GRHL1: variants seen among roughly 807,000 people sequenced by gnomAD.
GRHL1 encodes grainyhead-like protein 1 homolog.
GRHL1 carries 38 observed loss-of-function variants against 75.7 expected under a neutral mutation model. The observed-to-expected ratio is 0.50, with a 90% CI of 0.39 to 0.66. The LOEUF (loss-of-function observed/expected upper bound fraction) is 0.66. Among genes scored for constraint, GRHL1 ranks in the 30% least tolerant of loss-of-function variants. The pLI is 0.00. For synonymous variants in GRHL1, 266 were observed against 279.4 expected (o/e 0.95, Z 0.48); for missense variants, 589 against 767.5 (o/e 0.77, Z 2.75).
At chr2:9,984,322 G>A (rs1221802066) in intron 8 of GRHL1, among the ~76,000 whole-genome samples, 8 of 151,488 alleles carry the variant, frequency 5.3e-5, no homozygotes, top group East Asian at 1.9e-4. Flanking sequence ...GTCAGCTCAC[G>A]GGGTTGAAGG....
rs1413679201 is a variant in GRHL1 at position 9,951,860 on chromosome 2, G to A, written c.20+7G>A. 2.0e-6 allele frequency: 3 copies of A among 1,477,070 alleles called. No homozygotes were observed. 91.5% of individuals were successfully genotyped at this position (1,477,070 alleles called of 1,614,324 possible). A position where few individuals can be genotyped will look rare whatever the true frequency, so the allele number is the denominator to read the frequency against. On this transcript the variant is annotated splice_region_variant and intron_variant, in intron 1 of 15. Coordinates refer to ENST00000324907, the MANE Select transcript of GRHL1 (RefSeq NM_198182.3). This position sits in a 1 kb window ranked among gnomAD's most constrained non-coding sequence, Gnocchi z 4.2. ...TGACACAGGAGTACGACAAGTGAGT[G>A]AGGCGCAGGAGTCCGGCCGCCGCGG...
chr2:9,958,216 C>T (rs377033825), intron 2 of GRHL1, among the ~76,000 whole-genome samples: 137 of 142,086 alleles, frequency 9.6e-4, no homozygotes, highest in African/African-American at 3.5e-3. Flanking sequence ...CTTGCTCTAT[C>T]GCCCAGGCCA....
chr2:9,991,091 A>G (rs1668622937), intron 10 of GRHL1, among the ~76,000 whole-genome samples: 2 of 152,194 alleles, frequency 1.3e-5, no homozygotes. Context: ...TAGATTTTTT[A>G]AAGTAATAAT....
intron 8 of GRHL1, among the ~76,000 whole-genome samples, chr2:9,985,530 G>A (rs1410951254): frequency 6.6e-6 from 1 of 152,230 alleles, no homozygotes; most frequent in Admixed American, 6.5e-5. Context: ...TGGGCCCAAT[G>A]TGATTTGATA....
intron 8 of GRHL1, among the ~76,000 whole-genome samples, chr2:9,981,417 C>T (rs950023364): frequency 6.6e-6 from 1 of 152,244 alleles, no homozygotes; most frequent in Non-Finnish European, 1.5e-5. Context: ...TTTACTCCAT[C>T]GTGATGATGT....
intron 5 of GRHL1, 77 bp from the exon 6 acceptor site, chr2:9,963,809 A>C: frequency 1.1e-6 from 1 of 943,222 alleles, no homozygotes; most frequent in African/African-American, 1.7e-5. Flanking sequence ...AAGATAGCAA[A>C]TGCTATTTAT....
At position 9,962,510 on chromosome 2, in the gene GRHL1, A is replaced by G. The variant is rs772009928; in HGVS notation, c.725A>G (p.Tyr242Cys). The change falls in exon 5 of 16, where the codon TAT becomes TGT. Residue 242 changes from tyrosine to cysteine, a missense_variant. Tyr to Cys is a radical substitution (Grantham distance 194). This residue lies in a region of GRHL1 where 362 missense variants were observed against 461.8 expected (regional missense o/e 0.78). Coordinates refer to ENST00000324907, the MANE Select transcript of GRHL1 (RefSeq NM_198182.3). ...LRMPGMNSEDYVFDSVSGNNF... is the reference protein window; with the variant it reads ...LRMPGMNSEDCVFDSVSGNNF... ...ATGCCTGGCATGAATTCAGAGGACT[A>G]TGTTTTTGACAGTGTTTCTGGGTAA... 3.0e-5 allele frequency: 47 copies of G among 1,591,394 alleles called. No individual in the cohort carries two copies. The highest frequency in any genetic ancestry group is 4.0e-5 in the Non-Finnish European group (46 of 1,159,382).
chr2:9,971,350 A>T (rs564798783), intron 8 of GRHL1, among the ~76,000 whole-genome samples: 6 of 152,330 alleles, frequency 3.9e-5, no homozygotes, highest in African/African-American at 1.4e-4. Context: ...GAAGTGAGTC[A>T]AACATCCTAC....
intron 8 of GRHL1, among the ~76,000 whole-genome samples, chr2:9,975,918 C>T (rs1039168524): frequency 1.3e-5 from 2 of 151,980 alleles, no homozygotes; most frequent in African/African-American, 4.8e-5. Context: ...ATAATAAACA[C>T]AAATAACTTG....
intron 8 of GRHL1, among the ~76,000 whole-genome samples, chr2:9,973,229 A>G (rs1326517224): frequency 6.6e-6 from 1 of 152,094 alleles, no homozygotes; most frequent in Non-Finnish European, 1.5e-5. Context: ...GTCTCCTCCC[A>G]CCATCAGAGC....
intron 2 of GRHL1, among the ~76,000 whole-genome samples, chr2:9,957,594 A>G (rs1330975189): frequency 6.6e-6 from 1 of 151,972 alleles, no homozygotes; most frequent in Non-Finnish European, 1.5e-5. Flanking sequence ...TGTTTTTAGT[A>G]GAGACGGGGT....
chr2:9,966,575 T>G (rs1667505765), intron 8 of GRHL1, among the ~76,000 whole-genome samples: 1 of 152,204 alleles, frequency 6.6e-6, no homozygotes, highest in South Asian at 2.1e-4. Context: ...TTTTTTACTT[T>G]TTCTTTTATT....
At chr2:9,999,101 C>T (rs1030981177) in intron 15 of GRHL1, 72 bp downstream of exon 15, 28 of 656,406 alleles carry the variant, frequency 4.3e-5, no homozygotes, top group Non-Finnish European at 6.9e-5. Flanking sequence ...TGACGCACCC[C>T]CCAGTGCTGT....
Position 10,000,593 on chromosome 2 carries a change from G to A in GRHL1, c.1743G>A (p.Gly581=), listed in dbSNP as rs781323457. Residue 581 remains glycine (G), a splice_region_variant and synonymous_variant, in exon 16 of 16, where the codon GGG becomes GGA. Coordinates refer to ENST00000324907, the MANE Select transcript of GRHL1 (RefSeq NM_198182.3). The stretch of plus-strand genomic sequence containing the variant: ...GTTGGTCTTGTCCCCCCCCATCCAG[G>A]ATCCTGGTGAACATGGACGACAACA... The part of the protein sequence containing the change: ...IGKIFKKCKK[G]ILVNMDDNIV... 6.2e-7 allele frequency: 1 copy of A among 1,600,086 alleles called. No individual in the cohort carries two copies. Among genetic ancestry groups the A allele is most frequent in the Non-Finnish European group, 8.6e-7 (1 of 1,167,888 alleles).
chr2:9,956,626 G>T (rs974651232), intron 2 of GRHL1, among the ~76,000 whole-genome samples: 2 of 152,204 alleles, frequency 1.3e-5, no homozygotes, highest in African/African-American at 4.8e-5. Flanking sequence ...TTGAATATGA[G>T]CAGAAACTTG....
chr2:9,999,077 C>A, intron 15 of GRHL1, 48 bp downstream of exon 15: 1 of 976,440 alleles, frequency 1.0e-6, no homozygotes, highest in South Asian at 1.5e-5. Flanking sequence ...CTGATGCCCC[C>A]CGCAGTGCTA....
chr2:9,991,420 C>CA (rs1328958057), intron 10 of GRHL1, among the ~76,000 whole-genome samples: 2 of 152,148 alleles, frequency 1.3e-5, no homozygotes, highest in Non-Finnish European at 2.9e-5. Flanking sequence ...CTACTGGTAT[C>CA]AAAGTACAAA....
In GRHL1 at chr2:10,000,588, T is replaced by A. The variant is rs758527270; in HGVS notation, c.1743-5T>A. ...AGTTGGTTGGTCTTGTCCCCCCCCA[T>A]CCAGGATCCTGGTGAACATGGACGA... is the stretch of plus-strand genomic sequence containing the variant. On this transcript the variant is annotated splice_polypyrimidine_tract_variant and splice_region_variant and intron_variant, in intron 15 of 15. Transcript: ENST00000324907. 1 of 1,581,722 alleles carries A rather than the reference T, an allele frequency of 6.3e-7. No individual in the cohort carries two copies. The highest frequency in any genetic ancestry group is 8.7e-7 in the Non-Finnish European group (1 of 1,151,346).
chr2:9,986,298 A>G lies in GRHL1; in HGVS notation c.1269+16A>G. On this transcript the variant is annotated intron_variant, in intron 9 of 15. Coordinates refer to ENST00000324907, the MANE Select transcript of GRHL1 (RefSeq NM_198182.3). ...CTGTGACAAGGTAAGATCGGCAGGG[A>G]TGCTTGGAACAAGTGTTTGAGACAC... 6.2e-7 allele frequency: 1 copy of G among 1,604,758 alleles called. No homozygotes were observed. The highest frequency in any genetic ancestry group is 8.5e-7 in the Non-Finnish European group (1 of 1,174,930).
Sources: gnomAD v4.1 joint callset for allele counts (sites outside exome capture counted in the v4.1 genomes callset) on GRCh38, gnomAD v4.1.1 for gene constraint, gnomAD v4.1.1 regional missense constraint, Gnocchi (gnomAD v3.1) non-coding constraint, MANE v1.5 for transcripts, NCBI Gene and HGNC (gene_info 2026-07-23, HGNC 2026-07-21) for gene names.